Variants in MCF2L observed in about 807,000 individuals in gnomAD.
The protein encoded by MCF2L is MCF.2 cell line derived transforming sequence like, also known as guanine nucleotide exchange factor DBS.
MCF2L carries 97 observed loss-of-function variants against 153.4 expected under a neutral mutation model. The ratio of observed to expected loss-of-function variants is 0.63; its 90% CI spans 0.54 to 0.75. The LOEUF is 0.75. MCF2L is among the 30% of genes least tolerant of loss of function. The pLI, the probability that MCF2L is intolerant of heterozygous loss-of-function variation, is 0.00. For synonymous variants in MCF2L, 659 were observed against 632.2 expected, an observed-to-expected ratio of 1.04 and a Z score of -0.64; for missense variants, 1,347 against 1,495.2, an observed-to-expected ratio of 0.90 and a Z score of 1.64.
intron 21 of MCF2L, among the ~76,000 whole-genome samples, chr13:113,086,998 C>T (rs1177925004): frequency 1.3e-5 from 2 of 152,160 alleles, no homozygotes; most frequent in Admixed American, 6.5e-5. Context: ...TAGAGCATCA[C>T]ACAGAGCAGC....
At chr13:113,003,785 C>T (rs1401996271) in intron 1 of MCF2L, among the ~76,000 whole-genome samples, 1 of 152,176 alleles carries the variant, frequency 6.6e-6, no homozygotes, top group Non-Finnish European at 1.5e-5. Flanking sequence ...CTGTGTTCCT[C>T]ACTGTGCCCC....
intron 3 of MCF2L, among the ~76,000 whole-genome samples, chr13:113,041,624 G>C (rs1409646939): frequency 6.6e-6 from 1 of 152,218 alleles, no homozygotes; most frequent in Non-Finnish European, 1.5e-5. Flanking sequence ...GGAGGTGCTA[G>C]GGGCTCTTTA....
chr13:113,087,290 C>A lies in MCF2L; in HGVS notation c.2429C>A (p.Thr810Asn). The part of the protein sequence containing the change: ...LLMQGSFSVW[T>N]DHKRGHTKVK... ...ATGCAGGGCTCGTTCAGCGTCTGGA[C>A]CGACCACAAGAGGGGCCACACCAAG... Residue 810 changes from threonine (T) to asparagine (N), a missense_variant, in exon 22 of 30, where the codon ACC becomes AAC. Thr to Asn is a moderately conservative substitution (Grantham distance 65). Around this residue, in one of 3 missense-constraint regions of MCF2L, gnomAD observed 144 missense variants for 238.7 expected, o/e 0.60. Transcript: ENST00000535094. 6.2e-7 allele frequency: 1 copy of A among 1,613,084 alleles called. No homozygotes were observed. Among genetic ancestry groups the A allele is most frequent in the Non-Finnish European group, 8.5e-7 (1 of 1,180,034 alleles).
chr13:112,921,163 C>T (rs551151655), intron 2 of MCF2L, among the ~76,000 whole-genome samples: 1 of 152,104 alleles, frequency 6.6e-6, no homozygotes, highest in South Asian at 2.1e-4. Context: ...AGCGACAGAG[C>T]AAGACTCCGT....
intron 1 of MCF2L, among the ~76,000 whole-genome samples, chr13:112,971,242 A>G (rs917856033): frequency 3.3e-5 from 5 of 152,220 alleles, no homozygotes; most frequent in Non-Finnish European, 7.3e-5. Context: ...GGTGAAGGTC[A>G]AGGTAAACCT....
At chr13:113,024,188 A>G (rs1189438429) in intron 2 of MCF2L, among the ~76,000 whole-genome samples, 1 of 152,244 alleles carries the variant, frequency 6.6e-6, no homozygotes. Flanking sequence ...CGATACCCAC[A>G]AACAGTACAG....
intron 9 of MCF2L, among the ~76,000 whole-genome samples, chr13:113,073,967 G>A (rs915778840): frequency 6.6e-6 from 1 of 152,136 alleles, no homozygotes; most frequent in African/African-American, 2.4e-5. Context: ...GACACCCATT[G>A]TCTTCCTGCC....
At chr13:113,094,216 G>T in intron 26 of MCF2L, 1 of 213,404 alleles carries the variant, frequency 4.7e-6, no homozygotes, top group Non-Finnish European at 9.2e-6. Context: ...CCTGGCTGAG[G>T]GGCACTGCCC....
intron 15 of MCF2L, among the ~76,000 whole-genome samples, chr13:113,079,813 CTGAATGGAGGAG>C (rs2033914330): frequency 1.2e-4 from 5 of 41,308 alleles, no homozygotes; most frequent in South Asian, 6.6e-4. Context: ...AGAGGAATGT[CTGAATGGAGGAG>C]GGTCCAGGCA....
intron 5 of MCF2L, among the ~76,000 whole-genome samples, chr13:113,062,930 C>T (rs9577454): frequency 0.36 from 54,251 of 152,142 alleles, 9,966 homozygotes; most frequent in South Asian, 0.43. Context: ...TCTCCCCGTC[C>T]GGCCTCAGTG....
intron 2 of MCF2L, among the ~76,000 whole-genome samples, chr13:112,916,176 C>CT (rs1566635589): frequency 6.6e-6 from 1 of 152,210 alleles, no homozygotes; most frequent in African/African-American, 2.4e-5. Flanking sequence ...CCACTATACT[C>CT]TAGCCTGGGG....
chr13:113,031,189 GAGAGACAGAGACAGAC>G lies in MCF2L; in HGVS notation c.278+6447_278+6462del, dbSNP rs1381538663. Reference sequence around the variant, plus strand: ...AGACAGAGAGTGACAGACAGAGACAGAGAGACAGAGACAGACAGAGACAGAGACAGAGAGAGACAGA... The same window carrying G: ...AGACAGAGAGTGACAGACAGAGACAGAGAGACAGAGACAGAGAGAGACAGA... On this transcript the variant is annotated intron_variant, in intron 3 of 29. Coordinates refer to ENST00000535094, the MANE Select transcript of MCF2L (RefSeq NM_001112732.3). This position sits in a 1 kb window ranked among gnomAD's most constrained non-coding sequence, Gnocchi z 5.5. Among the ~76,000 whole-genome samples, 2 of 148,648 alleles carry G rather than the reference GAGAGACAGAGACAGAC, an allele frequency of 1.3e-5. No homozygotes were observed. Among genetic ancestry groups the G allele is most frequent in the African/African-American group, 5.2e-5 (2 of 38,754 alleles).
chr13:112,906,979 G>T (rs563599196), intron 2 of MCF2L, among the ~76,000 whole-genome samples: 160 of 152,340 alleles, frequency 1.1e-3, no homozygotes, highest in African/African-American at 3.5e-3. Flanking sequence ...CCTGACTTGG[G>T]CTTAGGGTGA....
In MCF2L at chr13:113,070,066, G is replaced by A. The variant is rs2141873008; in HGVS notation, c.889G>A (p.Ala297Thr). The change falls in exon 9 of 30, where the codon GCC (alanine) becomes ACC (threonine). Residue 297 changes from alanine (A) to threonine (T), a missense_variant. This residue lies in a region of MCF2L where 820 missense variants were observed against 921.2 expected (regional missense o/e 0.89). Transcript: ENST00000535094. The surrounding 1 kb of genome is among the most constrained non-coding windows in gnomAD (Gnocchi z 5.6). The stretch of plus-strand genomic sequence containing the variant: ...ACTCCTCCTCTTTCCCAGGCTCCTG[G>A]CCCAGCTGAACGAAACCGAGGCTGC... ...DNQATVQRLL[A>T]QLNETEAAFD... The A allele has an allele frequency of 2.5e-6, 4 of 1,608,788 alleles. No individual in the cohort carries two copies. The highest frequency in any genetic ancestry group is 1.3e-5 in the African/African-American group (1 of 74,638).
At chr13:113,038,464 CAAA>C (rs59638426) in intron 3 of MCF2L, among the ~76,000 whole-genome samples, 14 of 111,888 alleles carry the variant, frequency 1.3e-4, no homozygotes, top group African/African-American at 9.8e-5. Context: ...GCCTCCATCT[CAAA>C]AAAAAAAAAA....
At position 113,087,811 on chromosome 13, in the gene MCF2L, A is replaced by C; in HGVS notation, c.2688+12A>C. On this transcript the variant is annotated intron_variant, in intron 23 of 29. Coordinates refer to ENST00000535094, the MANE Select transcript of MCF2L (RefSeq NM_001112732.3). ...TCTACATCGTCCAGGTGGGCCACCC[A>C]CCCTACCCCTGGCCTCTTACACATT... The C allele has an allele frequency of 6.2e-7, 1 of 1,610,424 alleles. No individual in the cohort carries two copies. The highest frequency in any genetic ancestry group is 8.5e-7 in the Non-Finnish European group (1 of 1,176,848).
chr13:113,006,292 G>C (rs1247463699), intron 1 of MCF2L, among the ~76,000 whole-genome samples: 1 of 152,248 alleles, frequency 6.6e-6, no homozygotes, highest in Non-Finnish European at 1.5e-5. Context: ...GTCCTGGGCT[G>C]CTTACAGCTG....
At chr13:113,089,524 A>G in intron 25 of MCF2L, 86 bp from the exon 26 acceptor site, 1 of 847,282 alleles carries the variant, frequency 1.2e-6, no homozygotes, top group East Asian at 2.4e-5. Context: ...GCTCAGAGAT[A>G]TCTGAATGCC....
chr13:112,968,816 A>G, upstream of MCF2L: 1 of 1,314,362 alleles, frequency 7.6e-7, no homozygotes, highest in Non-Finnish European at 9.8e-7. Flanking sequence ...GGGCGTGGAG[A>G]CCCGGAACCG....
Sources: gnomAD v4.1 joint callset for allele counts (sites outside exome capture counted in the v4.1 genomes callset) on GRCh38, gnomAD v4.1.1 for gene constraint, gnomAD v4.1.1 regional missense constraint, Gnocchi (gnomAD v3.1) non-coding constraint, MANE v1.5 for transcripts, NCBI Gene and HGNC (gene_info 2026-07-23, HGNC 2026-07-21) for gene names.